The following CHRNB2 variants were observed in gnomAD, a reference collection of about 807,000 sequenced individuals.
CHRNB2 encodes cholinergic receptor nicotinic beta 2 subunit, also known as neuronal acetylcholine receptor subunit beta-2.
Under a neutral mutation model 42.7 loss-of-function variants are expected in CHRNB2, and 33 were observed. The observed-to-expected ratio is 0.77, with a 90% CI of 0.59 to 1.03. The LOEUF is 1.03. CHRNB2 is among the 50% of genes least tolerant of loss of function. The pLI is 0.00. For missense variants in CHRNB2, 603 were observed against 700.9 expected (o/e 0.86, Z 1.58); for synonymous variants, 325 against 292.9 (o/e 1.11, Z -1.12).
Position 154,569,521 on chromosome 1 carries a change from TACA to T in CHRNB2, c.129_131del (p.Asn43del). The stretch of plus-strand genomic sequence containing the variant: ...GGAGCATCTCCTGGATCCTTCCCGC[TACA>T]ACAAGCTTATCCGCCCAGCCACCAA... On this transcript the variant is annotated inframe_deletion, in exon 2 of 6. Transcript: ENST00000368476. 3.1e-6 allele frequency: 5 copies of T among 1,614,028 alleles called. No individual in the cohort carries two copies. In the African/African-American group the frequency reaches 4.0e-5, roughly 13 times the overall value.
chr1:154,568,098 G>C lies in CHRNB2; in HGVS notation c.54G>C (p.Arg18=), dbSNP rs1486696741. The change falls in exon 1 of 6, where the codon CGG becomes CGC. Residue 18 remains arginine, a synonymous_variant. Coordinates refer to ENST00000368476, the MANE Select transcript of CHRNB2 (RefSeq NM_000748.3). ...TGCTCCTTGGCTTCGGCCTCCTCCG[G>C]CTGTGCTCAGGTAAGGGAAAGACGG... ...VALLLGFGLL[R]LCSGVWGTDT... is the part of the protein sequence containing the mutation. The C allele has an allele frequency of 5.0e-6, 8 of 1,603,002 alleles. No individual in the cohort carries two copies. In the South Asian group the frequency reaches 6.7e-5, roughly 14 times the overall value.
chr1:154,576,155 T>G lies in CHRNB2; in HGVS notation c.*223T>G. ...CTTTGTTTTGGCTGCTCTCCATCTCTTGTACCAGCCCAGGCAATAGTGTTG... is the reference window on the plus strand; with the variant it reads ...CTTTGTTTTGGCTGCTCTCCATCTCGTGTACCAGCCCAGGCAATAGTGTTG... On this transcript the variant is annotated 3_prime_UTR_variant, in exon 6 of 6. Transcript: ENST00000368476. The G allele has an allele frequency of 1.7e-6, 1 of 603,668 alleles. No homozygotes were observed. The highest frequency in any genetic ancestry group is 3.0e-6 in the Non-Finnish European group (1 of 334,310). The allele number at this position is 603,668 out of a possible 1,614,324, so 37.4% of individuals were successfully genotyped here. A position where few individuals can be genotyped will look rare whatever the true frequency, so the allele number is the denominator to read the frequency against.
Position 154,568,054 on chromosome 1 carries a change from C to G in CHRNB2, c.10C>G (p.Arg4Gly). 2 of 1,598,206 alleles carry G rather than the reference C, an allele frequency of 1.3e-6. No homozygotes were observed. Among genetic ancestry groups the G allele is most frequent in the Non-Finnish European group, 1.7e-6 (2 of 1,174,288 alleles). The change falls in exon 1 of 6, where the codon CGC becomes GGC. Residue 4 changes from arginine (R) to glycine (G), a missense_variant. Arg to Gly is a moderately radical substitution (Grantham distance 125). This residue lies in a region of CHRNB2 where 333 missense variants were observed against 452.6 expected (regional missense o/e 0.74). Transcript: ENST00000368476. ...GAGCTATGCCCGCGGCATGGCCCGG[C>G]GCTGCGGCCCCGTGGCGCTGCTCCT... Reference protein sequence around the residue: MARRCGPVALLLGF... With the variant: MARGCGPVALLLGF...
chr1:154,571,554 C>T lies in CHRNB2; in HGVS notation c.731C>T (p.Pro244Leu), dbSNP rs1462718185. The T allele has an allele frequency of 1.9e-6, 3 of 1,614,070 alleles. No homozygotes were observed. Among genetic ancestry groups the T allele is most frequent in the African/African-American group, 1.3e-5 (1 of 74,924 alleles). Residue 244 changes from proline to leucine, a missense_variant, in exon 5 of 6, where the codon CCC (proline) becomes CTC (leucine). Transcript: ENST00000368476. This position sits in a 1 kb window ranked among gnomAD's most constrained non-coding sequence, Gnocchi z 6.8. The stretch of plus-strand genomic sequence containing the variant: ...TTCTACACCATCAACCTCATCATCC[C>T]CTGTGTGCTCATCACCTCGCTAGCC... ...PLFYTINLIIPCVLITSLAIL... is the reference protein window; with the variant it reads ...PLFYTINLIILCVLITSLAIL...
At chr1:154,573,903 C>T (rs1696221666) in intron 5 of CHRNB2, among the ~76,000 whole-genome samples, 1 of 152,202 alleles carries the variant, frequency 6.6e-6, no homozygotes, top group African/African-American at 2.4e-5. Flanking sequence ...TTCCCGCCAC[C>T]ACGCCCAGCT....
intron 4 of CHRNB2, 92 bp downstream of exon 4, chr1:154,570,459 G>T (rs1483584939): frequency 1.3e-6 from 1 of 782,050 alleles, no homozygotes. Flanking sequence ...TTATGCTGTG[G>T]GAGGGGAGGG....
In CHRNB2 at chr1:154,578,248, C is replaced by T. The variant is rs6680410; in HGVS notation, c.*2316C>T. On this transcript the variant is annotated 3_prime_UTR_variant, in exon 6 of 6. Coordinates refer to ENST00000368476, the MANE Select transcript of CHRNB2 (RefSeq NM_000748.3). Reference sequence around the variant, plus strand: ...CCAGGGCCTGGGCTACCCCGAGGCCCCAGCAGCTGCTGCTGTGGCTGTACT... The same window carrying T: ...CCAGGGCCTGGGCTACCCCGAGGCCTCAGCAGCTGCTGCTGTGGCTGTACT... 10,910 of 152,340 alleles carry T rather than the reference C, an allele frequency of 0.072. 444 individuals carry two copies. The highest frequency in any genetic ancestry group is 0.17 in the East Asian group (904 of 5,170). The allele number at this position is 152,340 out of a possible 1,614,324, so 9.4% of individuals were successfully genotyped here.
chr1:154,569,712 G>T, intron 2 of CHRNB2, 80 bp from the exon 3 acceptor site: 1 of 1,612,528 alleles, frequency 6.2e-7, no homozygotes, highest in Non-Finnish European at 8.5e-7. Flanking sequence ...GGCTTGGGGA[G>T]GTGTGAGAGG....
At chr1:154,570,394 G>C in intron 4 of CHRNB2, 27 bp downstream of exon 4, 1 of 1,376,328 alleles carries the variant, frequency 7.3e-7, no homozygotes, top group Non-Finnish European at 1.0e-6. Flanking sequence ...GGTTGGGGGA[G>C]ACCATTGGAG....
intron 4 of CHRNB2, among the ~76,000 whole-genome samples, chr1:154,570,731 C>G (rs1696146831): frequency 6.6e-6 from 1 of 152,142 alleles, no homozygotes; most frequent in Non-Finnish European, 1.5e-5. Flanking sequence ...AGGTTCTATC[C>G]TGTCTCCTGC....
In CHRNB2 at chr1:154,571,083, C is replaced by T. The variant is rs1696156097; in HGVS notation, c.366-106C>T. The T allele has an allele frequency of 6.2e-7, 1 of 1,605,556 alleles. No individual in the cohort carries two copies. Among genetic ancestry groups the T allele is most frequent in the Admixed American group, 1.7e-5 (1 of 59,958 alleles). On this transcript the variant is annotated intron_variant, in intron 4 of 5. Transcript: ENST00000368476. This position sits in a 1 kb window ranked among gnomAD's most constrained non-coding sequence, Gnocchi z 6.8. Reference sequence around the variant, plus strand: ...TTACTCTCAGATCTGGGTGTCCCCTCCCCATGTCTCCCTCTGGTTTTGCTC... The same window carrying T: ...TTACTCTCAGATCTGGGTGTCCCCTTCCCATGTCTCCCTCTGGTTTTGCTC...
At chr1:154,568,881 C>G (rs1696110839) in intron 1 of CHRNB2, among the ~76,000 whole-genome samples, 1 of 152,026 alleles carries the variant, frequency 6.6e-6, no homozygotes, top group Non-Finnish European at 1.5e-5. Context: ...CTATTCCACT[C>G]CAACCCAGTG....
chr1:154,574,068 G>A (rs753707399), intron 5 of CHRNB2, among the ~76,000 whole-genome samples: 7 of 152,138 alleles, frequency 4.6e-5, no homozygotes, highest in Admixed American at 6.5e-5. Context: ...CTTGTCTTAA[G>A]CAAGCCAAGC....
At position 154,568,039 on chromosome 1, in the gene CHRNB2, C is replaced by T. The variant is rs754108624; in HGVS notation, c.-6C>T. 6.3e-7 allele frequency: 1 copy of T among 1,587,608 alleles called. No individual in the cohort carries two copies. Among genetic ancestry groups the T allele is most frequent in the South Asian group, 1.1e-5 (1 of 87,304 alleles). On this transcript the variant is annotated 5_prime_UTR_variant, in exon 1 of 6. Coordinates refer to ENST00000368476, the MANE Select transcript of CHRNB2 (RefSeq NM_000748.3). Reference sequence around the variant, plus strand: ...TGTAGGCGAGGCAGCGAGCTATGCCCGCGGCATGGCCCGGCGCTGCGGCCC... The same window carrying T: ...TGTAGGCGAGGCAGCGAGCTATGCCTGCGGCATGGCCCGGCGCTGCGGCCC...
At position 154,579,753 on chromosome 1, in the gene CHRNB2, C is replaced by T. The variant is rs1696355953; in HGVS notation, c.*3821C>T. 6.6e-6 allele frequency: 1 copy of T among 152,466 alleles called. No homozygotes were observed. Among genetic ancestry groups the T allele is most frequent in the Admixed American group, 6.5e-5 (1 of 15,284 alleles). The allele number at this position is 152,466 out of a possible 1,614,324, so 9.4% of individuals were successfully genotyped here. On this transcript the variant is annotated 3_prime_UTR_variant, in exon 6 of 6. Transcript: ENST00000368476. Reference sequence around the variant, plus strand: ...CACTCACTCAGCCACCCTCGATGCCCCCATCTTCCCCACACTGCCCTTGGC... The same window carrying T: ...CACTCACTCAGCCACCCTCGATGCCTCCATCTTCCCCACACTGCCCTTGGC...
At chr1:154,570,230 G>A (rs532350137) in intron 3 of CHRNB2, 28 bp from the exon 4 acceptor site, 9 of 1,493,494 alleles carry the variant, frequency 6.0e-6, no homozygotes, top group African/African-American at 5.5e-5. Context: ...GGCACAAGTT[G>A]GTACTGCCTC....
chr1:154,569,270 C>T (rs143950945), intron 1 of CHRNB2, among the ~76,000 whole-genome samples, 192 bp from the exon 2 acceptor site: 178 of 151,266 alleles, frequency 1.2e-3, no homozygotes, highest in Non-Finnish European at 2.1e-3. Flanking sequence ...GGTCAGTGGT[C>T]TCAGAGAGGG....
At chr1:154,570,470 A>C in intron 4 of CHRNB2, 103 bp downstream of exon 4, 1 of 750,752 alleles carries the variant, frequency 1.3e-6, no homozygotes, top group Non-Finnish European at 2.3e-6. Context: ...GAGGGGAGGG[A>C]CTTATAATAG....
chr1:154,569,740 G>A lies in CHRNB2; in HGVS notation c.211-52G>A, dbSNP rs8192485. ...GTGAGAGGGACCCTGGGTGGTGGCA[G>A]TGACCCCACAGGCTTAGGGGCCTTC... On this transcript the variant is annotated intron_variant, in intron 2 of 5. Transcript: ENST00000368476. The A allele has an allele frequency of 4.3e-3, 7,009 of 1,613,566 alleles. 33 individuals carry two copies. The highest frequency in any genetic ancestry group is 8.8e-3 in the South Asian group (801 of 91,082).
Sources: allele counts gnomAD v4.1 joint callset (sites outside exome capture counted in the v4.1 genomes callset), GRCh38; gene constraint gnomAD v4.1.1; regional missense constraint gnomAD v4.1.1; non-coding constraint Gnocchi (gnomAD v3.1); transcripts MANE v1.5; gene names NCBI Gene and HGNC (gene_info 2026-07-23, HGNC 2026-07-21).